Variants in PARD3 observed in about 807,000 individuals in gnomAD.
PARD3 encodes par-3 family cell polarity regulator, also known as partitioning defective 3 homolog.
Under a neutral mutation model 155.4 loss-of-function variants are expected in PARD3, and 75 were observed. That is an observed-to-expected ratio of 0.48 (90% CI 0.40 to 0.58). The LOEUF (loss-of-function observed/expected upper bound fraction) is 0.58, where lower values mean the gene tolerates loss of function less well. Ranked by LOEUF, PARD3 falls within the 20% of genes least tolerant of loss-of-function variation. The pLI, the probability that PARD3 is intolerant of heterozygous loss-of-function variation, is 0.00. For missense variants in PARD3, 1,642 were observed against 1,721.7 expected (o/e 0.95, Z 0.82); for synonymous variants, 576 against 610.5 (o/e 0.94, Z 0.83).
At chr10:34,701,368 G>GTTGTTT (rs2094275306) in intron 1 of PARD3, among the ~76,000 whole-genome samples, 2 of 150,028 alleles carry the variant, frequency 1.3e-5, no homozygotes, top group Non-Finnish European at 2.9e-5. Flanking sequence ...TGTTGTTGTT[G>GTTGTTT]TTGTTGTTTC....
chr10:34,345,879 G>A (rs1392319541), intron 15 of PARD3: 1 of 985,190 alleles, frequency 1.0e-6, no homozygotes, highest in African/African-American at 1.7e-5. Context: ...GACAAAAAGT[G>A]AGGAATTTTC....
At chr10:34,580,608 T>TG (rs1321083736) in intron 2 of PARD3, among the ~76,000 whole-genome samples, 1 of 152,206 alleles carries the variant, frequency 6.6e-6, no homozygotes, top group Non-Finnish European at 1.5e-5. Context: ...CAGAAAACTG[T>TG]AAGTTATCTA....
At chr10:34,560,838 G>T (rs2134055635) in intron 2 of PARD3, among the ~76,000 whole-genome samples, 1 of 152,226 alleles carries the variant, frequency 6.6e-6, no homozygotes, top group Middle Eastern at 3.4e-3. Context: ...ATAGCTAGGG[G>T]AATAAATGTC....
chr10:34,639,907 G>A (rs75013255), intron 2 of PARD3, among the ~76,000 whole-genome samples: 4,933 of 152,012 alleles, frequency 0.032, 134 homozygotes, highest in Non-Finnish European at 0.05. Context: ...CAGATACCTC[G>A]CAGAGTGTTA....
intron 22 of PARD3, among the ~76,000 whole-genome samples, chr10:34,257,706 G>A (rs746218835): frequency 6.6e-6 from 1 of 152,118 alleles, no homozygotes; most frequent in Non-Finnish European, 1.5e-5. Flanking sequence ...TTCCTCTAAG[G>A]CTAAAATAAA....
chr10:34,129,244 C>T (rs1564415716), intron 23 of PARD3, among the ~76,000 whole-genome samples: 1 of 152,120 alleles, frequency 6.6e-6, no homozygotes, highest in East Asian at 1.9e-4. Context: ...CCTCTGCCTC[C>T]CGGGTTCAAG....
At position 34,659,092 on chromosome 10, in the gene PARD3, A is replaced by T. The variant is rs561848348; in HGVS notation, c.222+37226T>A. Among the ~76,000 whole-genome samples, 26 of 152,236 alleles carry T rather than the reference A, an allele frequency of 1.7e-4. 1 individual carries two copies. In the South Asian group the frequency reaches 5.4e-3, roughly 32 times the overall value. On this transcript the variant is annotated intron_variant, in intron 2 of 24. Transcript: ENST00000374788. ...CACACACAGTACTGGCTTGGTACAC[A>T]CCCTCAGGAATCAGATCCTGAAAGG...
At chr10:34,669,002 A>G (rs1210191182) in intron 2 of PARD3, among the ~76,000 whole-genome samples, 1 of 152,206 alleles carries the variant, frequency 6.6e-6, no homozygotes. Context: ...GAACAGATTA[A>G]AACAGGTGGG....
chr10:34,548,617 C>A (rs997786009), intron 2 of PARD3, among the ~76,000 whole-genome samples: 7 of 151,928 alleles, frequency 4.6e-5, no homozygotes, highest in Non-Finnish European at 8.8e-5. Flanking sequence ...AAATGTCACC[C>A]TAAACACAGC....
intron 16 of PARD3, 125 bp downstream of exon 16, chr10:34,341,502 G>C (rs371890245): frequency 1.6e-6 from 1 of 642,384 alleles, no homozygotes; most frequent in Non-Finnish European, 2.6e-6. Context: ...AGAGTGATAA[G>C]TATATAAAAA....
intron 22 of PARD3, among the ~76,000 whole-genome samples, chr10:34,183,490 A>T (rs1950354757): frequency 6.6e-6 from 1 of 152,192 alleles, no homozygotes; most frequent in South Asian, 2.1e-4. Context: ...GCAAGCTTTA[A>T]TACACAAATG....
intron 2 of PARD3, among the ~76,000 whole-genome samples, chr10:34,565,643 T>G (rs1382489230): frequency 6.6e-6 from 1 of 152,134 alleles, no homozygotes; most frequent in Non-Finnish European, 1.5e-5. Flanking sequence ...ATCCTCGTTT[T>G]TAAGAAGTGA....
At chr10:34,477,572 A>C (rs2078799788) in intron 3 of PARD3, among the ~76,000 whole-genome samples, 1 of 152,220 alleles carries the variant, frequency 6.6e-6, no homozygotes, top group Non-Finnish European at 1.5e-5. Flanking sequence ...TAAGTGGAAG[A>C]AATGGTGATC....
Position 34,584,560 on chromosome 10 carries a change from G to A in PARD3, c.223-67401C>T, listed in dbSNP as rs372223547. Among the ~76,000 whole-genome samples, 32 of 152,254 alleles carry A rather than the reference G, an allele frequency of 2.1e-4. No homozygotes were observed. In the East Asian group the frequency reaches 2.7e-3, roughly 13 times the overall value. On this transcript the variant is annotated intron_variant, in intron 2 of 24. Transcript: ENST00000374788. ...AGTACCTTGAAAAAGAGAGGTACAT[G>A]GTGTCCAACTAATCGAGCGGAGTTT...
intron 22 of PARD3, among the ~76,000 whole-genome samples, chr10:34,237,779 T>C (rs1333757279): frequency 1.3e-5 from 2 of 152,152 alleles, no homozygotes; most frequent in African/African-American, 4.8e-5. Flanking sequence ...GTACGTAGGA[T>C]TGGGAATTAA....
At chr10:34,690,414 G>C (rs1328705732) in intron 2 of PARD3, among the ~76,000 whole-genome samples, 3 of 152,126 alleles carry the variant, frequency 2.0e-5, no homozygotes, top group Non-Finnish European at 4.4e-5. Flanking sequence ...TGTTCTACTG[G>C]CTCCAAACAT....
intron 22 of PARD3, among the ~76,000 whole-genome samples, chr10:34,162,880 C>G (rs1490857881): frequency 6.6e-6 from 1 of 152,164 alleles, no homozygotes; most frequent in Non-Finnish European, 1.5e-5. Flanking sequence ...TTCAGACCCA[C>G]TCCCTCAACT....
intron 22 of PARD3, among the ~76,000 whole-genome samples, chr10:34,133,230 G>T (rs1037714396): frequency 6.6e-6 from 1 of 152,178 alleles, no homozygotes; most frequent in African/African-American, 2.4e-5. Flanking sequence ...GCCCACTGGA[G>T]CTTCAGGAGC....
chr10:34,658,797 G>A (rs538072536), intron 2 of PARD3, among the ~76,000 whole-genome samples: 1 of 152,194 alleles, frequency 6.6e-6, no homozygotes, highest in East Asian at 1.9e-4. Context: ...GAGCACAAAT[G>A]GCTGAACTGC....
Sources: gnomAD v4.1 joint callset for allele counts (sites outside exome capture counted in the v4.1 genomes callset) on GRCh38, gnomAD v4.1.1 for gene constraint, MANE v1.5 for transcripts, NCBI Gene and HGNC (gene_info 2026-07-23, HGNC 2026-07-21) for gene names.